The following CIT variants were observed in gnomAD, a reference collection of about 807,000 sequenced individuals.
CIT encodes the protein citron rho-interacting serine/threonine kinase.
In CIT, 79 loss-of-function variants were observed where a neutral mutation model predicts 272.7. That is an observed-to-expected ratio of 0.29 (90% confidence interval 0.24 to 0.35). The LOEUF (loss-of-function observed/expected upper bound fraction) is 0.35, where lower values mean the gene tolerates loss of function less well. Among genes scored for constraint, CIT ranks in the 10% least tolerant of loss-of-function variants. The pLI, the probability that CIT is intolerant of heterozygous loss-of-function variation, is 1.00. For missense variants in CIT, 1,909 were observed against 2,618.3 expected (o/e 0.73, Z 5.91); for synonymous variants, 948 against 995.6 (o/e 0.95, Z 0.90).
At chr12:119,740,624 G>A (rs1959012936) in intron 24 of CIT, among the ~76,000 whole-genome samples, 1 of 151,974 alleles carries the variant, frequency 6.6e-6, no homozygotes, top group East Asian at 1.9e-4. Flanking sequence ...GATTACTAAT[G>A]CACACATTTT....
At chr12:119,794,557 T>G (rs1031524314) in intron 10 of CIT, among the ~76,000 whole-genome samples, 1 of 152,194 alleles carries the variant, frequency 6.6e-6, no homozygotes, top group Non-Finnish European at 1.5e-5. Flanking sequence ...GCTGGGAACA[T>G]GCACACTTCC....
At chr12:119,789,776 G>A (rs558146942) in intron 10 of CIT, among the ~76,000 whole-genome samples, 2 of 152,090 alleles carry the variant, frequency 1.3e-5, no homozygotes, top group East Asian at 3.9e-4. Flanking sequence ...GCACAATCTC[G>A]GCTCACTGCA....
chr12:119,710,487 A>T lies in CIT; in HGVS notation c.4935+53T>A. ...GGCCTCCACAGCCCTTTCTTTCTTG[A>T]TGGGGTGTGGCTGTAACCAGACACC... On this transcript the variant is annotated intron_variant, in intron 38 of 47. Coordinates refer to ENST00000392521, the MANE Select transcript of CIT (RefSeq NM_001206999.2). This position sits in a 1 kb window ranked among gnomAD's most constrained non-coding sequence, Gnocchi z 5.6. 1.9e-6 allele frequency: 3 copies of T among 1,613,132 alleles called. No individual in the cohort carries two copies. The highest frequency in any genetic ancestry group is 2.5e-6 in the Non-Finnish European group (3 of 1,179,180).
chr12:119,690,212 T>C lies in CIT; in HGVS notation c.6125A>G (p.Asp2042Gly). The C allele has an allele frequency of 6.6e-7, 1 of 1,516,072 alleles. No homozygotes were observed. The highest frequency in any genetic ancestry group is 8.8e-7 in the Non-Finnish European group (1 of 1,142,260). The allele number at this position is 1,516,072 out of a possible 1,614,324, so 93.9% of individuals were successfully genotyped here. Residue 2042 changes from aspartate to glycine, a missense_variant, in exon 47 of 48, where the codon GAC becomes GGC. This residue lies in a region of CIT where 780 missense variants were observed against 1,067.2 expected (regional missense o/e 0.73). Transcript: ENST00000392521. The surrounding 1 kb of genome is among the most constrained non-coding windows in gnomAD (Gnocchi z 6.0). ...CGCAGGCAGCCGGCCCCTGCTGCTG[T>C]CTTCAAACAGCCTCCCGGGGGACCG... ...RERSPGRLFE[D>G]SSRGRLPAGA...
At chr12:119,796,204 T>C (rs1965717819) in intron 10 of CIT, among the ~76,000 whole-genome samples, 1 of 152,240 alleles carries the variant, frequency 6.6e-6, no homozygotes, top group Non-Finnish European at 1.5e-5. Context: ...CACACTGGGA[T>C]GCTGTTGAAG....
At chr12:119,777,027 G>A (rs1963817951) in intron 13 of CIT, among the ~76,000 whole-genome samples, 185 bp from the exon 14 acceptor site, 1 of 152,226 alleles carries the variant, frequency 6.6e-6, no homozygotes, top group African/African-American at 2.4e-5. Flanking sequence ...GGCCAAGGCA[G>A]GTGGATCACC....
intron 9 of CIT, among the ~76,000 whole-genome samples, chr12:119,816,197 C>G (rs1738066606): frequency 6.6e-6 from 1 of 152,050 alleles, no homozygotes; most frequent in African/African-American, 2.4e-5. Flanking sequence ...CTTATTCCAC[C>G]CTTAATTAAA....
Position 119,758,625 on chromosome 12 carries a change from C to T in CIT, c.2497G>A (p.Ala833Thr). The T allele has an allele frequency of 6.2e-7, 1 of 1,613,506 alleles. No individual in the cohort carries two copies. The highest frequency in any genetic ancestry group is 8.5e-7 in the Non-Finnish European group (1 of 1,179,446). ...TGGGTAAAAAGACTGCTATTTGCTG[C>T]AAGTTTATTGGCTTCAGACAGTTCC... Reference protein sequence around the residue: ...IVELSEANKLAANSSLFTQRN... With the variant: ...IVELSEANKLTANSSLFTQRN... The change falls in exon 21 of 48, where the codon GCA becomes ACA. Residue 833 changes from alanine to threonine, a missense_variant. Ala to Thr is a moderately conservative substitution (Grantham distance 58, BLOSUM62 0). This residue lies in a region of CIT where 530 missense variants were observed against 822.4 expected (regional missense o/e 0.64). Transcript: ENST00000392521.
At chr12:119,841,308 C>T (rs756173743) in intron 5 of CIT, among the ~76,000 whole-genome samples, 2 of 151,800 alleles carry the variant, frequency 1.3e-5, no homozygotes, top group South Asian at 2.1e-4. Flanking sequence ...TGGAGTAGCT[C>T]GGATTACAGG....
At chr12:119,844,102 A>T (rs1240000224) in intron 5 of CIT, among the ~76,000 whole-genome samples, 2 of 149,990 alleles carry the variant, frequency 1.3e-5, no homozygotes, top group African/African-American at 4.9e-5. Flanking sequence ...GCTCACTGCA[A>T]CCTCCACCTC....
chr12:119,690,300 A>T lies in CIT; in HGVS notation c.6037T>A (p.Ser2013Thr). Residue 2013 changes from serine (S) to threonine (T), a missense_variant, in exon 47 of 48, where the codon TCT becomes ACT. By Grantham distance (58) the Ser-to-Thr change is moderately conservative (BLOSUM62 1). Around this residue, in one of 8 missense-constraint regions of CIT, gnomAD observed 780 missense variants for 1,067.2 expected, o/e 0.73. Transcript: ENST00000392521. The surrounding 1 kb of genome is among the most constrained non-coding windows in gnomAD (Gnocchi z 6.0). ...EGRTELRRDK[S>T]PGRPLEREKS... The stretch of plus-strand genomic sequence containing the variant: ...TCTCGCTCCAGGGGGCGGCCAGGAG[A>T]CTTGTCCCTGCGCAGCTCGGTCCGC... 1 of 1,589,424 alleles carries T rather than the reference A, an allele frequency of 6.3e-7. No individual in the cohort carries two copies. The highest frequency in any genetic ancestry group is 8.5e-7 in the Non-Finnish European group (1 of 1,175,620).
At chr12:119,776,250 T>C in intron 15 of CIT, 108 bp downstream of exon 15, 1 of 848,110 alleles carries the variant, frequency 1.2e-6, no homozygotes, top group East Asian at 2.4e-5. Context: ...GAGAGGTCTC[T>C]ATTCATTGAT....
At chr12:119,864,058 C>T (rs762632086) in intron 3 of CIT, among the ~76,000 whole-genome samples, 1 of 151,794 alleles carries the variant, frequency 6.6e-6, no homozygotes, top group African/African-American at 2.4e-5. Flanking sequence ...TTATCGCAGC[C>T]CAAACAGACT....
At chr12:119,776,472 CT>C in intron 14 of CIT, 64 bp from the exon 15 acceptor site, 4 of 1,369,866 alleles carry the variant, frequency 2.9e-6, no homozygotes, top group Non-Finnish European at 4.1e-6. Context: ...GTGTAGACTA[CT>C]TTCTTGGTCT....
In CIT at chr12:119,710,642, G is replaced by A. The variant is rs780304296; in HGVS notation, c.4855-22C>T. ...GTTTCTTTTCATAGGTGAAAGAAAA[G>A]AAAAACAGAAGACATCGTGAGGCTG... On this transcript the variant is annotated intron_variant, in intron 37 of 47. Transcript: ENST00000392521. The surrounding 1 kb of genome is among the most constrained non-coding windows in gnomAD (Gnocchi z 5.6). 9 of 1,606,952 alleles carry A rather than the reference G, an allele frequency of 5.6e-6. No homozygotes were observed. Among genetic ancestry groups the A allele is most frequent in the Middle Eastern group, 1.7e-4 (1 of 6,044 alleles).
intron 10 of CIT, among the ~76,000 whole-genome samples, chr12:119,789,340 T>C (rs889171946): frequency 6.6e-6 from 1 of 152,234 alleles, no homozygotes; most frequent in Non-Finnish European, 1.5e-5. Flanking sequence ...CATTTGGTAC[T>C]GGTGCCTTTT....
chr12:119,734,750 C>A (rs77345520), intron 25 of CIT, among the ~76,000 whole-genome samples: 195 of 152,296 alleles, frequency 1.3e-3, no homozygotes, highest in Middle Eastern at 3.4e-3. Flanking sequence ...GTTCCTCCCG[C>A]CTCAGCATCC....
Position 119,700,732 on chromosome 12 carries a change from G to A in CIT, c.5623+13C>T. 6.2e-7 allele frequency: 1 copy of A among 1,602,790 alleles called. No individual in the cohort carries two copies. Among genetic ancestry groups the A allele is most frequent in the Non-Finnish European group, 8.5e-7 (1 of 1,170,880 alleles). On this transcript the variant is annotated intron_variant, in intron 44 of 47. Transcript: ENST00000392521. ...CTGGCAAAAGAGAAGCCCCCACACT[G>A]AGCCTCACGTACCAAAGGCCAAAGG...
At chr12:119,812,883 T>C (rs1966865745) in intron 9 of CIT, among the ~76,000 whole-genome samples, 1 of 152,178 alleles carries the variant, frequency 6.6e-6, no homozygotes, top group Non-Finnish European at 1.5e-5. Context: ...AGCAGACATT[T>C]ATTTGGCCAT....
Sources: gnomAD v4.1 joint callset for allele counts (sites outside exome capture counted in the v4.1 genomes callset) on GRCh38, gnomAD v4.1.1 for gene constraint, gnomAD v4.1.1 regional missense constraint, Gnocchi (gnomAD v3.1) non-coding constraint, MANE v1.5 for transcripts, NCBI Gene and HGNC (gene_info 2026-07-23, HGNC 2026-07-21) for gene names.